The following NALF1 variants were observed in gnomAD, a reference collection of about 807,000 sequenced individuals.
NALF1 encodes the protein family with sequence similarity 155 member A.
In NALF1, 3 loss-of-function variants were observed where a neutral mutation model predicts 48.4. The ratio of observed to expected loss-of-function variants is 0.06; its 90% confidence interval spans 0.03 to 0.16. The LOEUF is 0.16. Among genes scored for constraint, NALF1 ranks in the 10% least tolerant of loss-of-function variants. The pLI is 1.00. For missense variants in NALF1, 526 were observed against 571.5 expected (o/e 0.92, Z 0.81); for synonymous variants, 262 against 245.7 (o/e 1.07, Z -0.62).
chr13:107,667,177 CAATTT>C (rs1411213058), intron 1 of NALF1, among the ~76,000 whole-genome samples: 1 of 152,006 alleles, frequency 6.6e-6, no homozygotes, highest in Non-Finnish European at 1.5e-5. Flanking sequence ...AGATACCCAA[CAATTT>C]AATTGTATTT....
chr13:107,742,469 T>C (rs1334702053), intron 1 of NALF1, among the ~76,000 whole-genome samples: 1 of 152,194 alleles, frequency 6.6e-6, no homozygotes, highest in African/African-American at 2.4e-5. Flanking sequence ...GAGTGAGTTC[T>C]CACAAGATCT....
intron 1 of NALF1, among the ~76,000 whole-genome samples, chr13:107,807,636 A>G (rs1878842118): frequency 6.6e-6 from 1 of 152,190 alleles, no homozygotes; most frequent in Non-Finnish European, 1.5e-5. Context: ...TACAAATAAT[A>G]ATTTATGCCA....
intron 1 of NALF1, among the ~76,000 whole-genome samples, chr13:107,575,616 A>G (rs9301234): frequency 2.0e-5 from 3 of 151,942 alleles, no homozygotes; most frequent in Admixed American, 6.6e-5. Context: ...TGCTAGATGT[A>G]GCCCATTTCC....
intron 1 of NALF1, among the ~76,000 whole-genome samples, chr13:107,336,952 A>C (rs1882569563): frequency 6.6e-6 from 1 of 151,714 alleles, no homozygotes; most frequent in Non-Finnish European, 1.5e-5. Flanking sequence ...CCCCCCCAAA[A>C]TGACAGAAAT....
chr13:107,232,160 C>T (rs912082991), intron 1 of NALF1, among the ~76,000 whole-genome samples: 1 of 152,188 alleles, frequency 6.6e-6, no homozygotes, highest in African/African-American at 2.4e-5. Context: ...GTCGCCATTA[C>T]GTAAGCGCTC....
At chr13:107,236,727 ATCTATC>A (rs1880356759) in intron 1 of NALF1, among the ~76,000 whole-genome samples, 1 of 131,878 alleles carries the variant, frequency 7.6e-6, no homozygotes, top group South Asian at 2.4e-4. Context: ...CTATCTATCT[ATCTATC>A]TATCATCTAC....
intron 1 of NALF1, among the ~76,000 whole-genome samples, chr13:107,710,786 TAC>T (rs1161808266): frequency 2.8e-5 from 4 of 141,756 alleles, no homozygotes; most frequent in African/African-American, 7.9e-5. Flanking sequence ...TGTGTGTATA[TAC>T]ACATATATGT....
chr13:107,262,095 T>C (rs1223094819), intron 1 of NALF1, among the ~76,000 whole-genome samples: 1 of 152,172 alleles, frequency 6.6e-6, no homozygotes, highest in East Asian at 1.9e-4. Context: ...CTACATATTG[T>C]AACAAGTAAA....
intron 1 of NALF1, among the ~76,000 whole-genome samples, chr13:107,568,571 T>A (rs1451321008): frequency 6.6e-6 from 1 of 152,242 alleles, no homozygotes; most frequent in Non-Finnish European, 1.5e-5. Flanking sequence ...CCACTAGCAC[T>A]ATATGAGAGA....
chr13:107,443,169 A>AATCTATCT lies in NALF1; in HGVS notation c.916-232422_916-232415dup, dbSNP rs10564280. ...TAAATTTATTATTTATTTATCTAAC[A>AATCTATCT]ATCTATCTATCTATCTATCTATCTA... is the stretch of plus-strand genomic sequence containing the variant. On this transcript the variant is annotated intron_variant, in intron 1 of 2. Transcript: ENST00000375915. Among the ~76,000 whole-genome samples, 867 of 128,410 alleles carry AATCTATCT rather than the reference A, an allele frequency of 6.8e-3. 3 individuals are homozygous for AATCTATCT. The highest frequency in any genetic ancestry group is 0.016 in the South Asian group (63 of 3,902). 84.2% of individuals were successfully genotyped at this position (128,410 alleles called of 152,430 possible).
At chr13:107,217,827 A>G (rs1192827621) in intron 1 of NALF1, among the ~76,000 whole-genome samples, 1 of 151,986 alleles carries the variant, frequency 6.6e-6, no homozygotes, top group African/African-American at 2.4e-5. Context: ...CCTTGGATAT[A>G]CCCCGTGGAG....
At chr13:107,736,225 GCGC>G (rs1876466128) in intron 1 of NALF1, among the ~76,000 whole-genome samples, 1 of 5,274 alleles carries the variant, frequency 1.9e-4, no homozygotes, top group Non-Finnish European at 1.1e-3. Context: ...ACACACACAC[GCGC>G]GCGTGTACCT....
At chr13:107,471,725 T>C (rs1012612355) in intron 1 of NALF1, among the ~76,000 whole-genome samples, 3 of 152,168 alleles carry the variant, frequency 2.0e-5, no homozygotes, top group Non-Finnish European at 4.4e-5. Context: ...AAGAATTAGA[T>C]CTCTTCATTC....
intron 1 of NALF1, among the ~76,000 whole-genome samples, chr13:107,567,757 A>G (rs1162248372): frequency 6.6e-6 from 1 of 152,128 alleles, no homozygotes; most frequent in Non-Finnish European, 1.5e-5. Context: ...GAATCTCCCT[A>G]AAATTACCCC....
At chr13:107,305,909 G>A (rs926768432) in intron 1 of NALF1, among the ~76,000 whole-genome samples, 3 of 152,152 alleles carry the variant, frequency 2.0e-5, no homozygotes, top group African/African-American at 7.2e-5. Flanking sequence ...ACATCCATTT[G>A]TCAAAACTGC....
At chr13:107,398,401 A>AC (rs5806652) in intron 1 of NALF1, among the ~76,000 whole-genome samples, 5 of 151,438 alleles carry the variant, frequency 3.3e-5, no homozygotes, top group Admixed American at 2.6e-4. Context: ...AAAAAAAAAA[A>AC]CCCAAACAGT....
Position 107,845,460 on chromosome 13 carries a change from G to GCCCTAACA in NALF1, c.915+20214_915+20221dup, listed in dbSNP as rs1250445524. On this transcript the variant is annotated intron_variant, in intron 1 of 2. Coordinates refer to ENST00000375915, the MANE Select transcript of NALF1 (RefSeq NM_001080396.3). ...CTCAGCCTTAGTCAGCTTGCCCAAT[G>GCCCTAACA]CCCTAACACGATTCACTCCTTCTCC... 2.6e-5 allele frequency among the ~76,000 whole-genome samples: 4 copies of GCCCTAACA among 152,096 alleles called. No individual in the cohort carries two copies. The East Asian group carries it at 7.7e-4, about 29-fold the overall frequency.
intron 1 of NALF1, among the ~76,000 whole-genome samples, chr13:107,421,900 G>C (rs1025314074): frequency 4.6e-5 from 7 of 152,110 alleles, no homozygotes; most frequent in African/African-American, 1.7e-4. Flanking sequence ...CAAAACTTTG[G>C]AACAGGCAAA....
chr13:107,717,029 C>T (rs1420511170), intron 1 of NALF1, among the ~76,000 whole-genome samples: 2 of 152,176 alleles, frequency 1.3e-5, no homozygotes, highest in African/African-American at 4.8e-5. Context: ...AACACCTGCT[C>T]CAGTGTGCTT....
Sources: allele counts gnomAD v4.1 joint callset (sites outside exome capture counted in the v4.1 genomes callset), GRCh38; gene constraint gnomAD v4.1.1; transcripts MANE v1.5; gene names NCBI Gene and HGNC (gene_info 2026-07-23, HGNC 2026-07-21).